DPP6: variants seen among roughly 807,000 people sequenced by gnomAD.
DPP6 encodes the protein dipeptidyl peptidase like 6.
DPP6 carries 69 observed loss-of-function variants against 122.6 expected under a neutral mutation model. The observed-to-expected ratio is 0.56, with a 90% CI of 0.46 to 0.69. The LOEUF is 0.69. Ranked by LOEUF, DPP6 falls within the 30% of genes least tolerant of loss-of-function variation. DPP6 has a pLI of 0.00. For synonymous variants in DPP6, 418 were observed against 433.1 expected (o/e 0.97, Z 0.43); for missense variants, 928 against 1,116.9 (o/e 0.83, Z 2.41).
chr7:154,222,422 G>A (rs1475045063), intron 1 of DPP6, among the ~76,000 whole-genome samples: 3 of 151,572 alleles, frequency 2.0e-5, no homozygotes, highest in Middle Eastern at 3.4e-3. Context: ...TTGGGAGGCC[G>A]AGGTGGGCGG....
chr7:154,052,643 G>A lies in DPP6; in HGVS notation c.-178G>A, dbSNP rs1459979074. On this transcript the variant is annotated 5_prime_UTR_variant, in exon 1 of 26. Coordinates refer to ENST00000377770, the MANE Select transcript of DPP6 (RefSeq NM_130797.4). The surrounding 1 kb of genome is among the most constrained non-coding windows in gnomAD (Gnocchi z 4.8). ...CAGGCAGAGTCGCCAGCGGAGACTC[G>A]CGAGTGGCGCGCGGGAGGAGCGGCC... The A allele has an allele frequency of 2.4e-6, 3 of 1,261,474 alleles. No individual in the cohort carries two copies. The highest frequency in any genetic ancestry group is 3.0e-6 in the Non-Finnish European group (3 of 992,722). The allele number at this position is 1,261,474 out of a possible 1,614,324, so 78.1% of individuals were successfully genotyped here.
intron 16 of DPP6, among the ~76,000 whole-genome samples, chr7:154,835,984 G>C (rs181014807): frequency 6.6e-6 from 1 of 152,296 alleles, no homozygotes; most frequent in Non-Finnish European, 1.5e-5. Flanking sequence ...TTTTAAAGCG[G>C]TTTGTGTCCC....
chr7:154,325,820 G>T (rs893625719), intron 1 of DPP6, among the ~76,000 whole-genome samples: 1 of 152,100 alleles, frequency 6.6e-6, no homozygotes, highest in East Asian at 1.9e-4. Flanking sequence ...TTAGGCCAAG[G>T]GCACATTTTT....
At chr7:154,582,855 C>T (rs919514942) in intron 5 of DPP6, among the ~76,000 whole-genome samples, 2 of 152,172 alleles carry the variant, frequency 1.3e-5, no homozygotes, top group Non-Finnish European at 2.9e-5. Flanking sequence ...AGGGCTCAGC[C>T]ACCCAGCCCC....
At chr7:154,391,132 C>T (rs1484302160) in intron 1 of DPP6, among the ~76,000 whole-genome samples, 4 of 152,180 alleles carry the variant, frequency 2.6e-5, no homozygotes, top group East Asian at 3.9e-4. Flanking sequence ...CATCACTGTC[C>T]GCCGCGCGGC....
chr7:153,808,459 G>C, the DPP6 span, among the ~76,000 whole-genome samples: 11 of 152,050 alleles, frequency 7.2e-5, no homozygotes, highest in East Asian at 1.9e-3. Context: ...GTGTGTATGT[G>C]TGATGAGAAC....
At chr7:154,558,253 G>T (rs889768082) in intron 4 of DPP6, among the ~76,000 whole-genome samples, 3 of 152,100 alleles carry the variant, frequency 2.0e-5, no homozygotes, top group Non-Finnish European at 4.4e-5. Flanking sequence ...TTCCCTTTGA[G>T]ACCTCGGTTA....
the DPP6 span, among the ~76,000 whole-genome samples, chr7:153,775,962 G>T: frequency 6.6e-6 from 1 of 152,048 alleles, no homozygotes; most frequent in Non-Finnish European, 1.5e-5. Context: ...TTCTTTGTTT[G>T]GGAGATCTAA....
the DPP6 span, among the ~76,000 whole-genome samples, chr7:153,860,600 C>A: frequency 3.9e-5 from 6 of 152,062 alleles, no homozygotes; most frequent in Admixed American, 2.6e-4. Flanking sequence ...ATGACAAGCC[C>A]CAGGTACTGC....
At chr7:154,096,884 G>A (rs560148936) in intron 1 of DPP6, among the ~76,000 whole-genome samples, 23 of 152,204 alleles carry the variant, frequency 1.5e-4, no homozygotes, top group Non-Finnish European at 2.6e-4. Flanking sequence ...AGGTCAACGT[G>A]ATTTATATTT....
At chr7:154,185,989 C>A (rs1245507339) in intron 1 of DPP6, among the ~76,000 whole-genome samples, 1 of 152,050 alleles carries the variant, frequency 6.6e-6, no homozygotes, top group Non-Finnish European at 1.5e-5. Flanking sequence ...GCAGAAGAAC[C>A]ATATGACGCA....
Position 154,892,665 on chromosome 7 carries a change from C to T in DPP6, c.*185C>T, listed in dbSNP as rs1342410301. On this transcript the variant is annotated 3_prime_UTR_variant, in exon 26 of 26. Coordinates refer to ENST00000377770, the MANE Select transcript of DPP6 (RefSeq NM_130797.4). Reference sequence around the variant, plus strand: ...ACAAGCTCCTTCCCCGGGGTCATCACTCACGGCCTCCATGGCACCAGGGAC... The same window carrying T: ...ACAAGCTCCTTCCCCGGGGTCATCATTCACGGCCTCCATGGCACCAGGGAC... 3 of 1,249,096 alleles carry T rather than the reference C, an allele frequency of 2.4e-6. No individual in the cohort carries two copies. The highest frequency in any genetic ancestry group is 1.8e-5 in the Admixed American group (1 of 55,196). 77.4% of individuals were successfully genotyped at this position (1,249,096 alleles called of 1,614,324 possible). A position where few individuals can be genotyped will look rare whatever the true frequency, so the allele number is the denominator to read the frequency against.
intron 9 of DPP6, 84 bp downstream of exon 9, chr7:154,769,655 C>A: frequency 2.1e-6 from 3 of 1,409,322 alleles, no homozygotes; most frequent in Non-Finnish European, 2.8e-6. Flanking sequence ...CAGACGTGAT[C>A]ATCAGACATG....
At chr7:153,969,246 T>C (rs1439718468) in intron 1 of DPP6, among the ~76,000 whole-genome samples, 2 of 149,012 alleles carry the variant, frequency 1.3e-5, no homozygotes, top group Non-Finnish European at 2.9e-5. Flanking sequence ...TCCCAAGTGG[T>C]GTAGCTCCTG....
intron 7 of DPP6, among the ~76,000 whole-genome samples, chr7:154,706,426 T>G (rs1382174456): frequency 6.6e-6 from 1 of 152,002 alleles, no homozygotes. Context: ...TGTTGGCACT[T>G]TTTAAACTTC....
intron 1 of DPP6, among the ~76,000 whole-genome samples, chr7:154,172,801 A>G (rs990385004): frequency 3.3e-5 from 5 of 151,996 alleles, no homozygotes; most frequent in South Asian, 4.2e-4. Context: ...GGGTTTTGCC[A>G]TGTTGGCCAG....
chr7:154,163,638 T>TA (rs1220410011), intron 1 of DPP6, among the ~76,000 whole-genome samples: 1 of 152,198 alleles, frequency 6.6e-6, no homozygotes, highest in Non-Finnish European at 1.5e-5. Context: ...CCAGATTTGC[T>TA]AGTGCAATGA....
chr7:153,812,725 G>C, the DPP6 span, among the ~76,000 whole-genome samples: 1 of 152,138 alleles, frequency 6.6e-6, no homozygotes, highest in African/African-American at 2.4e-5. Context: ...TGGGATTCTT[G>C]CTCTTGACTC....
chr7:154,189,180 T>C (rs1798494820), intron 1 of DPP6, among the ~76,000 whole-genome samples: 1 of 152,228 alleles, frequency 6.6e-6, no homozygotes, highest in African/African-American at 2.4e-5. Flanking sequence ...GAGATCGTGA[T>C]ACCTTTTTCC....
Sources: gnomAD v4.1 joint callset for allele counts (sites outside exome capture counted in the v4.1 genomes callset) on GRCh38, gnomAD v4.1.1 for gene constraint, Gnocchi (gnomAD v3.1) non-coding constraint, MANE v1.5 for transcripts, NCBI Gene and HGNC (gene_info 2026-07-23, HGNC 2026-07-21) for gene names.